The following CHRM3 variants were observed in gnomAD, a reference collection of about 807,000 sequenced individuals.
CHRM3 encodes the protein muscarinic acetylcholine receptor M3.
Under a neutral mutation model 41.8 loss-of-function variants are expected in CHRM3, and 11 were observed. That is an observed-to-expected ratio of 0.26 (90% confidence interval 0.17 to 0.44). The LOEUF (loss-of-function observed/expected upper bound fraction) is 0.44. Ranked by LOEUF, CHRM3 falls within the 20% of genes least tolerant of loss-of-function variation. The pLI, the probability that CHRM3 is intolerant of heterozygous loss-of-function variation, is 1.00. For missense variants in CHRM3, 571 were observed against 745.4 expected (o/e 0.77, Z 2.72); for synonymous variants, 297 against 301.4 (o/e 0.99, Z 0.15).
chr1:239,771,220 CCTT>C, intron 5 of CHRM3, among the ~76,000 whole-genome samples: 1 of 152,268 alleles, frequency 6.6e-6, no homozygotes, highest in East Asian at 1.9e-4. Context: ...CCGCCCTCTC[CCTT>C]CTTCATTTCA....
chr1:239,644,231 C>A (rs1469342694), intron 4 of CHRM3, among the ~76,000 whole-genome samples: 1 of 152,134 alleles, frequency 6.6e-6, no homozygotes, highest in Non-Finnish European at 1.5e-5. Flanking sequence ...TGCAAATGGA[C>A]AGAAGCAGAT....
chr1:239,813,872 C>G (rs544665311), intron 5 of CHRM3, among the ~76,000 whole-genome samples: 22 of 137,324 alleles, frequency 1.6e-4, no homozygotes, highest in South Asian at 9.3e-4. Context: ...AGCCGAGATC[C>G]CGCCACTGCA....
At chr1:239,436,567 C>G (rs1295784569) in intron 1 of CHRM3, among the ~76,000 whole-genome samples, 2 of 151,858 alleles carry the variant, frequency 1.3e-5, no homozygotes, top group African/African-American at 2.4e-5. Context: ...ATCTGTCTCA[C>G]CAACCATTCA....
chr1:239,635,138 G>A (rs1670322937), intron 4 of CHRM3, among the ~76,000 whole-genome samples: 1 of 152,130 alleles, frequency 6.6e-6, no homozygotes, highest in Non-Finnish European at 1.5e-5. Flanking sequence ...TCTACTCCAA[G>A]TCATCATCTT....
chr1:239,463,163 G>T (rs1468597804), intron 1 of CHRM3, among the ~76,000 whole-genome samples: 1 of 152,152 alleles, frequency 6.6e-6, no homozygotes, highest in Non-Finnish European at 1.5e-5. Flanking sequence ...CTAGCACAGA[G>T]TTTGGCATAT....
At chr1:239,751,411 G>A (rs903026495) in intron 5 of CHRM3, among the ~76,000 whole-genome samples, 5 of 152,106 alleles carry the variant, frequency 3.3e-5, no homozygotes, top group Non-Finnish European at 7.4e-5. Context: ...AAATTTCTGA[G>A]ATAGGTGGCA....
At chr1:239,788,100 G>T (rs1669054344) in intron 5 of CHRM3, among the ~76,000 whole-genome samples, 1 of 151,898 alleles carries the variant, frequency 6.6e-6, no homozygotes, top group Admixed American at 6.6e-5. Flanking sequence ...TTTGGGCATG[G>T]TGGCATGCAT....
rs373165288 is a variant in CHRM3 at position 239,908,668 on chromosome 1, A to G, written c.1217A>G (p.Asp406Gly). ...ATGGTGGACTTGGAGAGGAAAGCCG[A>G]CAAGCTGCAGGCCCAGAAGAGCGTG... Reference protein sequence around the residue: ...LGMVDLERKADKLQAQKSVDD... With the variant: ...LGMVDLERKAGKLQAQKSVDD... Residue 406 changes from aspartate (D) to glycine (G), a missense_variant, in exon 7 of 7, where the codon GAC becomes GGC. This residue lies in a region of CHRM3 where 239 missense variants were observed against 239.6 expected (regional missense o/e 1.00). Coordinates refer to ENST00000676153, the MANE Select transcript of CHRM3 (RefSeq NM_001375978.1). The surrounding 1 kb of genome is among the most constrained non-coding windows in gnomAD (Gnocchi z 7.2). 2 of 1,612,942 alleles carry G rather than the reference A, an allele frequency of 1.2e-6. No individual in the cohort carries two copies. The highest frequency in any genetic ancestry group is 1.7e-6 in the Non-Finnish European group (2 of 1,179,488).
intron 2 of CHRM3, among the ~76,000 whole-genome samples, chr1:239,533,736 AAAAAAAAAAAAAAAC>A (rs2148347425): frequency 6.9e-6 from 1 of 144,264 alleles, no homozygotes; most frequent in South Asian, 2.3e-4. Flanking sequence ...TGTCTCAAAA[AAAAAAAAAAAAAAAC>A]AAAAAAACCC....
chr1:239,785,745 G>A (rs1185278681), intron 5 of CHRM3, among the ~76,000 whole-genome samples: 7 of 148,428 alleles, frequency 4.7e-5, no homozygotes, highest in African/African-American at 1.7e-4. Flanking sequence ...TTTCTTCGTG[G>A]AAAAAAAAAA....
At chr1:239,679,771 T>C (rs1052150717) in intron 5 of CHRM3, among the ~76,000 whole-genome samples, 30 of 152,064 alleles carry the variant, frequency 2.0e-4, no homozygotes, top group African/African-American at 6.5e-4. Context: ...AACTAAGAAA[T>C]TGCCAAATCA....
chr1:239,501,099 C>G (rs1176103583), intron 2 of CHRM3, among the ~76,000 whole-genome samples: 1 of 152,144 alleles, frequency 6.6e-6, no homozygotes, highest in Non-Finnish European at 1.5e-5. Context: ...CATATGTGCA[C>G]CTAACACTGG....
intron 6 of CHRM3, among the ~76,000 whole-genome samples, chr1:239,905,438 G>C (rs939138136): frequency 1.3e-4 from 20 of 152,198 alleles, no homozygotes; most frequent in Admixed American, 1.0e-3. Flanking sequence ...GGGCATGGTA[G>C]CTCATGCCTA....
intron 6 of CHRM3, among the ~76,000 whole-genome samples, chr1:239,856,271 T>C (rs1239886355): frequency 6.6e-6 from 1 of 152,118 alleles, no homozygotes; most frequent in African/African-American, 2.4e-5. Context: ...CCAAATCTCA[T>C]GTTGAATTGT....
chr1:239,594,464 T>C (rs566508530), intron 3 of CHRM3, among the ~76,000 whole-genome samples: 1 of 152,340 alleles, frequency 6.6e-6, no homozygotes, highest in Non-Finnish European at 1.5e-5. Context: ...GTTGCACTAG[T>C]ATATAGGTTC....
At chr1:239,499,272 C>A in intron 2 of CHRM3, among the ~76,000 whole-genome samples, 1 of 152,024 alleles carries the variant, frequency 6.6e-6, no homozygotes, top group East Asian at 1.9e-4. Context: ...GTTATTCAGC[C>A]TGGGAGAATA....
intron 1 of CHRM3, among the ~76,000 whole-genome samples, chr1:239,444,528 AG>A (rs1014962781): frequency 1.3e-5 from 2 of 152,062 alleles, no homozygotes; most frequent in Admixed American, 1.3e-4. Flanking sequence ...CTGGGACCTG[AG>A]GGGTGAATAG....
intron 6 of CHRM3, among the ~76,000 whole-genome samples, chr1:239,881,862 CTACAGATT>C (rs1163950060): frequency 6.6e-6 from 1 of 151,924 alleles, no homozygotes; most frequent in Non-Finnish European, 1.5e-5. Context: ...ATATAGAGTT[CTACAGATT>C]TACAACTGGA....
chr1:239,431,908 A>T (rs1164970250), intron 1 of CHRM3, among the ~76,000 whole-genome samples: 1 of 152,142 alleles, frequency 6.6e-6, no homozygotes, highest in Non-Finnish European at 1.5e-5. Flanking sequence ...CACTAAAATC[A>T]TAGATGTAAT....
Sources: gnomAD v4.1 joint callset for allele counts (sites outside exome capture counted in the v4.1 genomes callset) on GRCh38, gnomAD v4.1.1 for gene constraint, gnomAD v4.1.1 regional missense constraint, Gnocchi (gnomAD v3.1) non-coding constraint, MANE v1.5 for transcripts, NCBI Gene and HGNC (gene_info 2026-07-23, HGNC 2026-07-21) for gene names.